PRKD3: variants seen among roughly 807,000 people sequenced by gnomAD.
The protein encoded by PRKD3 is protein kinase D3, also known as serine/threonine-protein kinase D3.
A neutral mutation model predicts 99.2 loss-of-function variants in PRKD3; 47 were observed. The observed-to-expected ratio is 0.47, with a 90% confidence interval of 0.38 to 0.60. The LOEUF (loss-of-function observed/expected upper bound fraction) is 0.60, where lower values mean the gene tolerates loss of function less well. PRKD3 is among the 20% of genes least tolerant of loss of function. The probability of loss-of-function intolerance (pLI) is 0.00; values close to 1 mark genes in which losing one functional copy is unlikely to be tolerated. For missense variants in PRKD3, 1,019 were observed against 1,088.4 expected (o/e 0.94, Z 0.90); for synonymous variants, 392 against 355.4 (o/e 1.10, Z -1.16).
At chr2:37,263,338 A>C (rs1265495657) in intron 14 of PRKD3, among the ~76,000 whole-genome samples, 3 of 152,148 alleles carry the variant, frequency 2.0e-5, no homozygotes, top group Non-Finnish European at 4.4e-5. Flanking sequence ...TTCTGCTTTA[A>C]TGCATTGAGA....
intron 16 of PRKD3, among the ~76,000 whole-genome samples, chr2:37,257,158 T>C (rs1668018353): frequency 6.6e-6 from 1 of 152,162 alleles, no homozygotes; most frequent in Non-Finnish European, 1.5e-5. Flanking sequence ...CTAGTACATA[T>C]TTCAAAAGTT....
chr2:37,272,488 T>G, intron 11 of PRKD3, 56 bp from the exon 12 acceptor site: 1 of 1,550,088 alleles, frequency 6.5e-7, no homozygotes, highest in Non-Finnish European at 8.7e-7. Context: ...TAATCTTTAC[T>G]GACATGTGAA....
chr2:37,265,038 C>CT (rs1395749863), intron 14 of PRKD3, among the ~76,000 whole-genome samples: 2 of 152,134 alleles, frequency 1.3e-5, no homozygotes, highest in East Asian at 3.8e-4. Context: ...CATCTTTTCT[C>CT]TAAGTATGTG....
intron 14 of PRKD3, among the ~76,000 whole-genome samples, chr2:37,261,408 A>C (rs1015273345): frequency 2.2e-4 from 33 of 151,824 alleles, no homozygotes; most frequent in Non-Finnish European, 4.3e-4. Context: ...AATCACTTGA[A>C]CCTGGGAGGT....
intron 9 of PRKD3, 54 bp downstream of exon 9, chr2:37,277,812 A>T: frequency 6.3e-7 from 1 of 1,581,544 alleles, no homozygotes; most frequent in Admixed American, 1.7e-5. Flanking sequence ...AATGCACAGA[A>T]TGAAACTCAT....
At chr2:37,287,248 A>G (rs1670148834) in intron 5 of PRKD3, among the ~76,000 whole-genome samples, 1 of 129,798 alleles carries the variant, frequency 7.7e-6, no homozygotes, top group South Asian at 2.2e-4. Context: ...AAAAAAAAAA[A>G]AAAAAAAAAA....
chr2:37,259,826 C>G (rs950416236), intron 15 of PRKD3, 145 bp from the exon 16 acceptor site: 3 of 607,228 alleles, frequency 4.9e-6, no homozygotes, highest in African/African-American at 1.9e-5. Context: ...TTAAGGTTAA[C>G]AATTCCCACA....
chr2:37,308,826 T>G (rs959851567), intron 2 of PRKD3, among the ~76,000 whole-genome samples: 1 of 97,598 alleles, frequency 1.0e-5, no homozygotes, highest in Non-Finnish European at 2.1e-5. Flanking sequence ...TTAAGCTCTG[T>G]TTTTTTTTTG....
chr2:37,252,994 C>G lies in PRKD3; in HGVS notation c.*183G>C. On this transcript the variant is annotated 3_prime_UTR_variant, in exon 19 of 19. Coordinates refer to ENST00000234179, the MANE Select transcript of PRKD3 (RefSeq NM_005813.6). ...CTTCACCTTGATTCCATTATGACTT[C>G]TTATTATTCAGTTTCCCGCCTGTAC... is the stretch of plus-strand genomic sequence containing the variant. The G allele has an allele frequency of 2.0e-6, 1 of 488,040 alleles. No homozygotes were observed. The highest frequency in any genetic ancestry group is 3.3e-6 in the Non-Finnish European group (1 of 302,588). The allele number at this position is 488,040 out of a possible 1,614,324, so 30.2% of individuals were successfully genotyped here. A position where few individuals can be genotyped will look rare whatever the true frequency, so the allele number is the denominator to read the frequency against.
intron 2 of PRKD3, among the ~76,000 whole-genome samples, chr2:37,293,899 A>T (rs1276548949): frequency 6.6e-6 from 1 of 152,178 alleles, no homozygotes; most frequent in Non-Finnish European, 1.5e-5. Flanking sequence ...TAACATGAAC[A>T]ATTTGCTCAC....
chr2:37,286,351 G>A lies in PRKD3; in HGVS notation c.736C>T (p.Pro246Ser). 3.7e-6 allele frequency: 6 copies of A among 1,613,834 alleles called. No homozygotes were observed. The highest frequency in any genetic ancestry group is 5.1e-6 in the Non-Finnish European group (6 of 1,179,808). Residue 246 changes from proline to serine, a missense_variant, in exon 6 of 19, where the codon CCA (proline) becomes TCA (serine). By Grantham distance (74) the Pro-to-Ser change is moderately conservative. Around this residue, in one of 3 missense-constraint regions of PRKD3, gnomAD observed 710 missense variants for 692.7 expected, o/e 1.02. Coordinates refer to ENST00000234179, the MANE Select transcript of PRKD3 (RefSeq NM_005813.6). Reference sequence around the variant, plus strand: ...CTCCAAGAAGGAATTCTCTTACTTGGTTCCTGGTGGACATGTGACTATAAC... The same window carrying A: ...CTCCAAGAAGGAATTCTCTTACTTGATTCCTGGTGGACATGTGACTATAAC... ...PSEESHVHQE[P>S]SKRIPSWSGR...
intron 2 of PRKD3, among the ~76,000 whole-genome samples, chr2:37,315,528 G>A (rs1319660275): frequency 6.6e-6 from 1 of 152,122 alleles, no homozygotes; most frequent in Non-Finnish European, 1.5e-5. Context: ...AGAACACAGG[G>A]TACCTAGAGA....
chr2:37,284,782 TTTA>T (rs575795423), intron 6 of PRKD3, among the ~76,000 whole-genome samples: 6 of 151,996 alleles, frequency 3.9e-5, no homozygotes, highest in African/African-American at 1.2e-4. Flanking sequence ...AAAGCTTTAT[TTTA>T]TTATTATTAT....
At chr2:37,264,609 G>A (rs569548670) in intron 14 of PRKD3, among the ~76,000 whole-genome samples, 29 of 152,088 alleles carry the variant, frequency 1.9e-4, no homozygotes, top group Non-Finnish European at 3.5e-4. Flanking sequence ...CGGAGACAAG[G>A]GAGTATGACA....
At chr2:37,279,550 T>C (rs1479622764) in intron 8 of PRKD3, among the ~76,000 whole-genome samples, 196 bp downstream of exon 8, 1 of 151,740 alleles carries the variant, frequency 6.6e-6, no homozygotes, top group African/African-American at 2.4e-5. Context: ...TTCTCATACC[T>C]CCCCATCTTG....
chr2:37,322,608 A>T (rs1671933055), intron 1 of PRKD3, among the ~76,000 whole-genome samples: 1 of 152,258 alleles, frequency 6.6e-6, no homozygotes, highest in Admixed American at 6.5e-5. Flanking sequence ...GTAGCTAAGA[A>T]ATCTGATTGG....
At chr2:37,255,548 T>C (rs971957197) in intron 17 of PRKD3, among the ~76,000 whole-genome samples, 2 of 152,178 alleles carry the variant, frequency 1.3e-5, no homozygotes, top group African/African-American at 2.4e-5. Context: ...TGTATGCAGC[T>C]TCCCAGCAGA....
intron 2 of PRKD3, among the ~76,000 whole-genome samples, chr2:37,313,337 G>GAAA (rs35889491): frequency 1.4e-5 from 2 of 143,860 alleles, no homozygotes; most frequent in Admixed American, 6.9e-5. Context: ...CGGAATTGAT[G>GAAA]AAAAAAAAAA....
In PRKD3 at chr2:37,282,669, T is replaced by G. The variant is rs537133024; in HGVS notation, c.911-50A>C. Reference sequence around the variant, plus strand: ...TAATTTATGTAAAAGTCAAGCAGTATCAGATATGGTTAGACTTTCTTTAAA... The same window carrying G: ...TAATTTATGTAAAAGTCAAGCAGTAGCAGATATGGTTAGACTTTCTTTAAA... On this transcript the variant is annotated intron_variant, in intron 6 of 18. Transcript: ENST00000234179. The G allele has an allele frequency of 4.7e-5, 59 of 1,247,458 alleles. No homozygotes were observed. The South Asian group carries it at 6.5e-4, about 14-fold the overall frequency. 77.3% of individuals were successfully genotyped at this position (1,247,458 alleles called of 1,614,324 possible).
Sources: allele counts gnomAD v4.1 joint callset (sites outside exome capture counted in the v4.1 genomes callset), GRCh38; gene constraint gnomAD v4.1.1; regional missense constraint gnomAD v4.1.1; transcripts MANE v1.5; gene names NCBI Gene and HGNC (gene_info 2026-07-23, HGNC 2026-07-21).